HADHB: variants seen among roughly 807,000 people sequenced by gnomAD.
The protein encoded by HADHB is trifunctional enzyme subunit beta, mitochondrial.
HADHB carries 50 observed loss-of-function variants against 61.9 expected under a neutral mutation model. The observed-to-expected ratio is 0.81, with a 90% confidence interval of 0.64 to 1.02. The LOEUF (loss-of-function observed/expected upper bound fraction) is 1.02. Among genes scored for constraint, HADHB ranks in the 50% least tolerant of loss-of-function variants. HADHB has a pLI of 0.00. For missense variants in HADHB, 504 were observed against 586.5 expected (o/e 0.86, Z 1.45); for synonymous variants, 191 against 201.6 (o/e 0.95, Z 0.45).
chr2:26,252,137 A>G (rs1487501357), intron 1 of HADHB, among the ~76,000 whole-genome samples: 1 of 152,214 alleles, frequency 6.6e-6, no homozygotes, highest in African/African-American at 2.4e-5. Context: ...GGCTTCTCTC[A>G]TAGTGGGTGA....
At chr2:26,274,111 G>A (rs750386257) in intron 6 of HADHB, among the ~76,000 whole-genome samples, 4 of 152,176 alleles carry the variant, frequency 2.6e-5, no homozygotes, top group Non-Finnish European at 4.4e-5. Context: ...TCAACATGTT[G>A]CAGAGAACTA....
chr2:26,285,395 T>TG lies in HADHB; in HGVS notation c.1225-7dup. 1 of 1,611,516 alleles carries TG rather than the reference T, an allele frequency of 6.2e-7. No homozygotes were observed. Among genetic ancestry groups the TG allele is most frequent in the South Asian group, 1.1e-5 (1 of 90,966 alleles). ...AAACTTATCTTTACATTTGTGTCTT[T>TG]GGGGGAGCCAGGTTGGATTGCCTCC... On this transcript the variant is annotated splice_polypyrimidine_tract_variant and intron_variant, in intron 14 of 15. Transcript: ENST00000317799.
At chr2:26,279,915 T>A in intron 9 of HADHB, 79 bp from the exon 10 acceptor site, 3 of 1,097,408 alleles carry the variant, frequency 2.7e-6, no homozygotes, top group East Asian at 4.8e-5. Flanking sequence ...GTTTTTGTAA[T>A]TTTTAAAGCA....
chr2:26,261,084 G>C (rs1168719344), intron 3 of HADHB: 1 of 1,199,114 alleles, frequency 8.3e-7, no homozygotes, highest in South Asian at 1.3e-5. Context: ...TACCTACTCT[G>C]AATCTAATCA....
At chr2:26,274,583 A>T (rs1325936119) in intron 6 of HADHB, among the ~76,000 whole-genome samples, 1 of 151,348 alleles carries the variant, frequency 6.6e-6, no homozygotes, top group Non-Finnish European at 1.5e-5. Context: ...AAGCCTACGA[A>T]ACTAACTGTG....
intron 10 of HADHB, 143 bp from the exon 11 acceptor site, chr2:26,282,702 A>G: frequency 2.8e-6 from 2 of 705,846 alleles, no homozygotes; most frequent in Non-Finnish European, 5.1e-6. Flanking sequence ...TTAATGATGG[A>G]TACAGTGAAG....
chr2:26,259,257 A>G (rs1671764935), intron 3 of HADHB, among the ~76,000 whole-genome samples: 1 of 152,214 alleles, frequency 6.6e-6, no homozygotes, highest in South Asian at 2.1e-4. Flanking sequence ...ACTCAGACAC[A>G]GGTATGCAGT....
intron 1 of HADHB, among the ~76,000 whole-genome samples, chr2:26,248,314 T>G (rs1222636419): frequency 6.6e-6 from 1 of 152,226 alleles, no homozygotes; most frequent in Non-Finnish European, 1.5e-5. Context: ...TGTTTCCTAC[T>G]GATGTGCATT....
intron 15 of HADHB, among the ~76,000 whole-genome samples, chr2:26,288,202 C>T (rs1673119994): frequency 6.6e-6 from 1 of 152,144 alleles, no homozygotes; most frequent in South Asian, 2.1e-4. Flanking sequence ...GATGTTGAGG[C>T]TGTAGTGCGC....
At chr2:26,245,452 C>CA (rs1178984146) in intron 1 of HADHB, 1 of 151,822 alleles carries the variant, frequency 6.6e-6, no homozygotes, top group East Asian at 1.9e-4. Flanking sequence ...GTCAGGTGAC[C>CA]TTTCGGGGCT....
chr2:26,282,123 C>T (rs911009005), intron 10 of HADHB, among the ~76,000 whole-genome samples: 3 of 151,722 alleles, frequency 2.0e-5, no homozygotes, highest in Admixed American at 1.3e-4. Context: ...GGGCAGAAAG[C>T]AGCTGAGAGC....
intron 15 of HADHB, among the ~76,000 whole-genome samples, chr2:26,288,793 T>C (rs1289906101): frequency 6.6e-6 from 1 of 152,182 alleles, no homozygotes; most frequent in East Asian, 1.9e-4. Flanking sequence ...ATGTGGCAAA[T>C]CTTTAAACCT....
chr2:26,256,035 C>T (rs963079491), intron 3 of HADHB, among the ~76,000 whole-genome samples: 3 of 152,340 alleles, frequency 2.0e-5, no homozygotes, highest in East Asian at 3.9e-4. Context: ...CCTTATATTG[C>T]TCTGTAACTG....
intron 3 of HADHB, among the ~76,000 whole-genome samples, chr2:26,256,531 A>G (rs1171964163): frequency 0.032 from 3,033 of 94,966 alleles, 76 homozygotes; most frequent in African/African-American, 0.087. Flanking sequence ...CTCTGTGTAT[A>G]TATATATATA....
intron 4 of HADHB, among the ~76,000 whole-genome samples, chr2:26,267,298 A>G (rs1052309023): frequency 2.0e-5 from 3 of 152,168 alleles, no homozygotes; most frequent in Non-Finnish European, 4.4e-5. Context: ...AGACAGGATG[A>G]GCAAGGAGAA....
At chr2:26,265,091 T>C (rs1574652009) in intron 4 of HADHB, among the ~76,000 whole-genome samples, 1 of 152,176 alleles carries the variant, frequency 6.6e-6, no homozygotes, top group East Asian at 1.9e-4. Context: ...TTAACGATGT[T>C]TCTATAATCT....
chr2:26,252,030 G>A (rs2147798333), intron 1 of HADHB, among the ~76,000 whole-genome samples: 1 of 152,328 alleles, frequency 6.6e-6, no homozygotes, highest in South Asian at 2.1e-4. Flanking sequence ...CTGCGCTAGA[G>A]GCTCCGCTTC....
chr2:26,269,904 C>T, intron 4 of HADHB, 49 bp from the exon 5 acceptor site: 1 of 1,266,086 alleles, frequency 7.9e-7, no homozygotes, highest in Non-Finnish European at 1.2e-6. Flanking sequence ...GAAAATTTTT[C>T]ATTGAAGCTC....
At chr2:26,245,470 G>A (rs1168506828) in intron 1 of HADHB, 1 of 151,784 alleles carries the variant, frequency 6.6e-6, no homozygotes, top group Non-Finnish European at 1.5e-5. Flanking sequence ...GCTTGAGTGT[G>A]GGAGGAACGG....
Sources: gnomAD v4.1 joint callset for allele counts (sites outside exome capture counted in the v4.1 genomes callset) on GRCh38, gnomAD v4.1.1 for gene constraint, MANE v1.5 for transcripts, NCBI Gene and HGNC (gene_info 2026-07-23, HGNC 2026-07-21) for gene names.